Variants in SLC24A2 observed in about 807,000 individuals in gnomAD.
SLC24A2 encodes the protein solute carrier family 24 member 2.
In SLC24A2, 36 loss-of-function variants were observed where a neutral mutation model predicts 62.0. That is an observed-to-expected ratio of 0.58 (90% CI 0.44 to 0.77). SLC24A2 has a LOEUF of 0.77. Ranked by LOEUF, SLC24A2 falls within the 30% of genes least tolerant of loss-of-function variation. The pLI is 0.00. For synonymous variants in SLC24A2, 358 were observed against 294.0 expected, an observed-to-expected ratio of 1.22 and a Z score of -2.23; for missense variants, 846 against 817.9, an observed-to-expected ratio of 1.03 and a Z score of -0.42.
chr9:19,976,636 A>T, the SLC24A2 span, among the ~76,000 whole-genome samples: 166 of 152,332 alleles, frequency 1.1e-3, no homozygotes, highest in Middle Eastern at 3.4e-3. Flanking sequence ...ACTAATAATT[A>T]TAAGTAATCT....
At chr9:20,220,381 T>C in the SLC24A2 span, among the ~76,000 whole-genome samples, 188 of 152,290 alleles carry the variant, frequency 1.2e-3, 2 homozygotes, top group African/African-American at 4.2e-3. Context: ...AAACAGCTCA[T>C]GTTCACTAAA....
At chr9:20,126,951 G>A in the SLC24A2 span, among the ~76,000 whole-genome samples, 10 of 152,224 alleles carry the variant, frequency 6.6e-5, no homozygotes, top group East Asian at 3.9e-4. Flanking sequence ...ATAACAGAGG[G>A]AATAGCCATG....
chr9:19,635,894 T>C (rs1276276056), intron 2 of SLC24A2, among the ~76,000 whole-genome samples: 1 of 152,230 alleles, frequency 6.6e-6, no homozygotes, highest in African/African-American at 2.4e-5. Context: ...ATAACAACCA[T>C]GTGTGTACAT....
the SLC24A2 span, among the ~76,000 whole-genome samples, chr9:20,134,276 G>A: frequency 6.6e-6 from 1 of 152,232 alleles, no homozygotes; most frequent in East Asian, 1.9e-4. Flanking sequence ...GATATATATC[G>A]AAGAAGAAAT....
the SLC24A2 span, among the ~76,000 whole-genome samples, chr9:19,915,253 G>C: frequency 6.6e-6 from 1 of 152,102 alleles, no homozygotes; most frequent in East Asian, 1.9e-4. Context: ...GGTGTAGCAT[G>C]TATCAGCGCT....
At chr9:20,180,665 G>C in the SLC24A2 span, among the ~76,000 whole-genome samples, 1 of 152,132 alleles carries the variant, frequency 6.6e-6, no homozygotes, top group African/African-American at 2.4e-5. Flanking sequence ...AGAGCCTAAA[G>C]ACTTGGGCAT....
the SLC24A2 span, among the ~76,000 whole-genome samples, chr9:20,236,531 C>T: frequency 1.1e-4 from 17 of 152,072 alleles, no homozygotes; most frequent in South Asian, 2.1e-4. Context: ...GATTCTCTGT[C>T]GAAGGGATGT....
chr9:20,127,951 G>A, the SLC24A2 span, among the ~76,000 whole-genome samples: 1 of 152,146 alleles, frequency 6.6e-6, no homozygotes, highest in African/African-American at 2.4e-5. Context: ...TTAAGGGAAA[G>A]TGGGTGCAAC....
the SLC24A2 span, among the ~76,000 whole-genome samples, chr9:19,857,163 G>A: frequency 6.6e-6 from 1 of 152,318 alleles, no homozygotes; most frequent in African/African-American, 2.4e-5. Context: ...CCGCCTAGAA[G>A]ATGAAGCTGA....
the SLC24A2 span, among the ~76,000 whole-genome samples, chr9:19,905,921 G>C: frequency 7.2e-5 from 11 of 152,098 alleles, no homozygotes; most frequent in African/African-American, 2.4e-4. Flanking sequence ...AGATCAACGA[G>C]ACAGAAAGTT....
chr9:20,040,260 T>A, the SLC24A2 span, among the ~76,000 whole-genome samples: 1 of 152,210 alleles, frequency 6.6e-6, no homozygotes, highest in Admixed American at 6.5e-5. Flanking sequence ...CTTGGTGCTA[T>A]GTTTTGTTGT....
chr9:20,250,665 G>A, the SLC24A2 span, among the ~76,000 whole-genome samples: 12 of 146,702 alleles, frequency 8.2e-5, no homozygotes, highest in African/African-American at 2.5e-4. Flanking sequence ...TTAAGGAACA[G>A]CCAATTCACC....
the SLC24A2 span, among the ~76,000 whole-genome samples, chr9:19,969,732 T>C: frequency 2.4e-4 from 36 of 152,314 alleles, no homozygotes; most frequent in African/African-American, 7.7e-4. Flanking sequence ...TTGTAGGAAA[T>C]TCACATAATT....
the SLC24A2 span, among the ~76,000 whole-genome samples, chr9:20,273,073 T>C: frequency 6.6e-6 from 1 of 152,190 alleles, no homozygotes; most frequent in East Asian, 1.9e-4. Context: ...AGGCAGACGA[T>C]GTGTCTAACC....
chr9:20,294,943 A>G, the SLC24A2 span, among the ~76,000 whole-genome samples: 1 of 152,124 alleles, frequency 6.6e-6, no homozygotes, highest in South Asian at 2.1e-4. Context: ...GTCATTTACT[A>G]AGCACACCCA....
chr9:19,677,089 C>T (rs1244081167), intron 2 of SLC24A2, among the ~76,000 whole-genome samples: 2 of 152,136 alleles, frequency 1.3e-5, no homozygotes, highest in East Asian at 3.8e-4. Flanking sequence ...GGTATATACC[C>T]AAAGCAATAT....
the SLC24A2 span, among the ~76,000 whole-genome samples, chr9:19,984,537 C>A: frequency 6.6e-6 from 1 of 152,100 alleles, no homozygotes; most frequent in Admixed American, 6.6e-5. Context: ...GAAACCCCAG[C>A]TCTACTAAAA....
At chr9:20,072,741 C>T in the SLC24A2 span, among the ~76,000 whole-genome samples, 1 of 151,784 alleles carries the variant, frequency 6.6e-6, no homozygotes. Context: ...AGTAGAGTCC[C>T]ACCCTTTGAA....
the SLC24A2 span, among the ~76,000 whole-genome samples, chr9:20,092,446 C>CT: frequency 0.12 from 18,491 of 152,006 alleles, 1,687 homozygotes; most frequent in Admixed American, 0.31. Flanking sequence ...TATGCATAGA[C>CT]TTTTTTATTT....
Sources: gnomAD v4.1 joint callset for allele counts (sites outside exome capture counted in the v4.1 genomes callset) on GRCh38, gnomAD v4.1.1 for gene constraint, MANE v1.5 for transcripts, NCBI Gene and HGNC (gene_info 2026-07-23, HGNC 2026-07-21) for gene names.